PPIA: variants seen among roughly 807,000 people sequenced by gnomAD.
The protein encoded by PPIA is peptidylprolyl isomerase A, also known as peptidyl-prolyl cis-trans isomerase A.
PPIA carries 2 observed loss-of-function variants against 15.3 expected under a neutral mutation model. The observed-to-expected ratio is 0.13, with a 90% CI of 0.05 to 0.41. PPIA has a LOEUF of 0.41. Ranked by LOEUF, PPIA falls within the 10% of genes least tolerant of loss-of-function variation. The probability of loss-of-function intolerance (pLI) is 0.99; values close to 1 mark genes in which losing one functional copy is unlikely to be tolerated. For missense variants in PPIA, 103 were observed against 210.3 expected (o/e 0.49, Z 3.16); for synonymous variants, 67 against 73.1 (o/e 0.92, Z 0.43).
chr7:44,799,325 TTGTG>T lies in PPIA; in HGVS notation c.101-55_101-52del, dbSNP rs142167741. 5.6e-6 allele frequency: 9 copies of T among 1,601,580 alleles called. No individual in the cohort carries two copies. In the African/African-American group the frequency reaches 6.7e-5, roughly 12 times the overall value. ...ACAAAGATGTTCCAATTGTGACAGT[TTGTG>T]TGTGTGTGTGTATATATATATTTTT... On this transcript the variant is annotated intron_variant, in intron 2 of 4. Coordinates refer to ENST00000468812, the MANE Select transcript of PPIA (RefSeq NM_021130.5).
At position 44,801,326 on chromosome 7, in the gene PPIA, A is replaced by G; in HGVS notation, c.402A>G (p.Glu134=). 1 of 1,612,998 alleles carries G rather than the reference A, an allele frequency of 6.2e-7. No individual in the cohort carries two copies. The highest frequency in any genetic ancestry group is 8.5e-7 in the Non-Finnish European group (1 of 1,179,512). The change falls in exon 5 of 5, where the codon GAA becomes GAG. Residue 134 remains glutamate, a synonymous_variant. Coordinates refer to ENST00000468812, the MANE Select transcript of PPIA (RefSeq NM_021130.5). ...GKHVVFGKVK[E]GMNIVEAMER... Reference sequence around the variant, plus strand: ...ATGTGGTGTTTGGCAAAGTGAAAGAAGGCATGAATATTGTGGAGGCCATGG... The same window carrying G: ...ATGTGGTGTTTGGCAAAGTGAAAGAGGGCATGAATATTGTGGAGGCCATGG...
At chr7:44,798,945 A>G in intron 1 of PPIA, 1 of 1,126,772 alleles carries the variant, frequency 8.9e-7, no homozygotes, top group Non-Finnish European at 1.1e-6. Context: ...ATAGACATTT[A>G]AGAAGCCATA....
intron 4 of PPIA, among the ~76,000 whole-genome samples, chr7:44,800,931 C>T (rs1202233246): frequency 6.6e-6 from 1 of 152,122 alleles, no homozygotes; most frequent in Non-Finnish European, 1.5e-5. Context: ...CATTCTCCTG[C>T]CTCAGCCTCC....
chr7:44,798,783 C>G (rs1360382128), intron 1 of PPIA: 2 of 989,994 alleles, frequency 2.0e-6, no homozygotes, highest in Middle Eastern at 5.2e-4. Context: ...GACTGCTCAT[C>G]TAATCCATAA....
chr7:44,797,793 T>C (rs1195890053), intron 1 of PPIA, among the ~76,000 whole-genome samples: 8 of 152,196 alleles, frequency 5.3e-5, no homozygotes. Flanking sequence ...CGAAATAGGA[T>C]GTTAGTGGTT....
chr7:44,800,029 C>T (rs1792498807), intron 4 of PPIA, 155 bp downstream of exon 4: 1 of 746,766 alleles, frequency 1.3e-6, no homozygotes, highest in Non-Finnish European at 2.1e-6. Flanking sequence ...ACAAATATAG[C>T]CAATGTGATA....
intron 4 of PPIA, chr7:44,800,460 G>A (rs1330461229): frequency 6.7e-6 from 1 of 149,590 alleles, no homozygotes; most frequent in East Asian, 2.0e-4. Flanking sequence ...TTGGAGTGCA[G>A]TGGTGCCATC....
rs1004342499 is a variant in PPIA at position 44,802,388 on chromosome 7, A to T, written c.*966A>T. 6.6e-6 allele frequency: 1 copy of T among 152,054 alleles called. No homozygotes were observed. The highest frequency in any genetic ancestry group is 2.4e-5 in the African/African-American group (1 of 41,386). 9.4% of individuals were successfully genotyped at this position (152,054 alleles called of 1,614,324 possible). A position where few individuals can be genotyped will look rare whatever the true frequency, so the allele number is the denominator to read the frequency against. On this transcript the variant is annotated 3_prime_UTR_variant, in exon 5 of 5. Coordinates refer to ENST00000468812, the MANE Select transcript of PPIA (RefSeq NM_021130.5). ...GGTCTCAAACTCTTGACCTCAGCTGATGCGCCTGCCTTGGCCTCCCAAACT... is the reference window on the plus strand; with the variant it reads ...GGTCTCAAACTCTTGACCTCAGCTGTTGCGCCTGCCTTGGCCTCCCAAACT...
Position 44,802,758 on chromosome 7 carries a change from CT to C in PPIA, c.*1337del, listed in dbSNP as rs1231116343. 2 of 152,210 alleles carry C rather than the reference CT, an allele frequency of 1.3e-5. No individual in the cohort carries two copies. Among genetic ancestry groups the C allele is most frequent in the Non-Finnish European group, 2.9e-5 (2 of 68,050 alleles). 9.4% of individuals were successfully genotyped at this position (152,210 alleles called of 1,614,324 possible). A position where few individuals can be genotyped will look rare whatever the true frequency, so the allele number is the denominator to read the frequency against. On this transcript the variant is annotated 3_prime_UTR_variant, in exon 5 of 5. Transcript: ENST00000468812. ...TCTGGTCAAAGGGATACCCTTCCCA[CT>C]AAGGACTTGGTTTCTCAGGAAATTA...
In PPIA at chr7:44,799,377, T is replaced by C; in HGVS notation, c.101-15T>C. 6.2e-7 allele frequency: 1 copy of C among 1,602,632 alleles called. No individual in the cohort carries two copies. The highest frequency in any genetic ancestry group is 8.5e-7 in the Non-Finnish European group (1 of 1,172,898). ...TTTATGTATGTATATATGTGTTTAA[T>C]TTTTTTTTAAACAGAAAATTTTCGT... On this transcript the variant is annotated splice_polypyrimidine_tract_variant and intron_variant, in intron 2 of 4. Coordinates refer to ENST00000468812, the MANE Select transcript of PPIA (RefSeq NM_021130.5).
chr7:44,796,905 C>T, intron 1 of PPIA, 112 bp downstream of exon 1: 3 of 1,161,176 alleles, frequency 2.6e-6, no homozygotes, highest in South Asian at 1.7e-5. Context: ...GAGGGGCGAG[C>T]GCGGGCGGGC....
chr7:44,800,903 C>T (rs1004704572), intron 4 of PPIA, among the ~76,000 whole-genome samples: 1 of 151,994 alleles, frequency 6.6e-6, no homozygotes, highest in Non-Finnish European at 1.5e-5. Flanking sequence ...CTGCAAGCTC[C>T]GCCTCCCAGG....
At position 44,801,439 on chromosome 7, in the gene PPIA, A is replaced by G. The variant is rs771867229; in HGVS notation, c.*17A>G. On this transcript the variant is annotated 3_prime_UTR_variant, in exon 5 of 5. Coordinates refer to ENST00000468812, the MANE Select transcript of PPIA (RefSeq NM_021130.5). Reference sequence around the variant, plus strand: ...CTCGAATAAGTTTGACTTGTGTTTTATCTTAACCACCAGATCATTCCTTCT... The same window carrying G: ...CTCGAATAAGTTTGACTTGTGTTTTGTCTTAACCACCAGATCATTCCTTCT... 10 of 1,507,414 alleles carry G rather than the reference A, an allele frequency of 6.6e-6. No individual in the cohort carries two copies. Among genetic ancestry groups the G allele is most frequent in the South Asian group, 2.2e-5 (2 of 88,952 alleles). 93.4% of individuals were successfully genotyped at this position (1,507,414 alleles called of 1,614,324 possible). A position where few individuals can be genotyped will look rare whatever the true frequency, so the allele number is the denominator to read the frequency against.
rs969525332 is a variant in PPIA, at chr7:44,801,920, AGCCTG to A, written c.*505_*509del. On this transcript the variant is annotated 3_prime_UTR_variant, in exon 5 of 5. Transcript: ENST00000468812. ...GACGCTGTCTCTACAAAAAATAATTAGCCTGGCCTGGTGGTGCATGCCTAGTCCTA... is the reference window on the plus strand; with the variant it reads ...GACGCTGTCTCTACAAAAAATAATTAGCCTGGTGGTGCATGCCTAGTCCTA... 3 of 163,668 alleles carry A rather than the reference AGCCTG, an allele frequency of 1.8e-5. No homozygotes were observed. The highest frequency in any genetic ancestry group is 7.2e-5 in the African/African-American group (3 of 41,478). The allele number at this position is 163,668 out of a possible 1,614,324, so 10.1% of individuals were successfully genotyped here.
In PPIA at chr7:44,801,243, T is replaced by G. The variant is rs961637983; in HGVS notation, c.363-44T>G. ...TTGGTTCATGACACATGGAGGCTGCTTGTTTGTGGTTGCCAGTCATAGTGA... is the reference window on the plus strand; with the variant it reads ...TTGGTTCATGACACATGGAGGCTGCGTGTTTGTGGTTGCCAGTCATAGTGA... On this transcript the variant is annotated intron_variant, in intron 4 of 4. Transcript: ENST00000468812. 21 of 1,606,160 alleles carry G rather than the reference T, an allele frequency of 1.3e-5. No individual in the cohort carries two copies. In the East Asian group the frequency reaches 4.2e-4, roughly 33 times the overall value.
rs57466816 is a variant in PPIA, at chr7:44,800,398, C to CTT, written c.362+538_362+539dup. On this transcript the variant is annotated intron_variant, in intron 4 of 4. Coordinates refer to ENST00000468812, the MANE Select transcript of PPIA (RefSeq NM_021130.5). ...GCCACTGCGCCCAACCAATTAAGTGCTTTTTTTTTTTTTTTCTTTTCTCAG... is the reference window on the plus strand; with the variant it reads ...GCCACTGCGCCCAACCAATTAAGTGCTTTTTTTTTTTTTTTTTCTTTTCTCAG... 243 of 142,374 alleles carry CTT rather than the reference C, an allele frequency of 1.7e-3. 1 individual carries two copies. The highest frequency in any genetic ancestry group is 7.3e-3 in the Middle Eastern group (7 of 956). The allele number at this position is 142,374 out of a possible 1,614,324, so 8.8% of individuals were successfully genotyped here. A position where few individuals can be genotyped will look rare whatever the true frequency, so the allele number is the denominator to read the frequency against.
chr7:44,799,414 T>G lies in PPIA; in HGVS notation c.123T>G (p.Thr41=). The change falls in exon 3 of 5, where the codon ACT becomes ACG. Residue 41 remains threonine, a synonymous_variant. Transcript: ENST00000468812. ...CAGAAAATTTTCGTGCTCTGAGCACTGGAGAGAAAGGATTTGGTTATAAGG... is the reference window on the plus strand; with the variant it reads ...CAGAAAATTTTCGTGCTCTGAGCACGGGAGAGAAAGGATTTGGTTATAAGG... ...KTAENFRALS[T]GEKGFGYKGS... is the part of the protein sequence containing the mutation. 6.2e-7 allele frequency: 1 copy of G among 1,613,304 alleles called. No individual in the cohort carries two copies. The highest frequency in any genetic ancestry group is 8.5e-7 in the Non-Finnish European group (1 of 1,179,984).
chr7:44,797,837 A>G (rs1792426947), intron 1 of PPIA: 1 of 152,224 alleles, frequency 6.6e-6, no homozygotes, highest in Non-Finnish European at 1.5e-5. Flanking sequence ...AAAGGCCACC[A>G]ATGGCTAGTT....
In PPIA at chr7:44,801,583, A is replaced by G; in HGVS notation, c.*161A>G. 1.7e-6 allele frequency: 1 copy of G among 572,506 alleles called. No homozygotes were observed. 35.5% of individuals were successfully genotyped at this position (572,506 alleles called of 1,614,324 possible). Reference sequence around the variant, plus strand: ...CTTGTTCCCTCCCATGCCTAGCTGGATTGCAGAGTTAAGTTTATGATTATG... The same window carrying G: ...CTTGTTCCCTCCCATGCCTAGCTGGGTTGCAGAGTTAAGTTTATGATTATG... On this transcript the variant is annotated 3_prime_UTR_variant, in exon 5 of 5. Coordinates refer to ENST00000468812, the MANE Select transcript of PPIA (RefSeq NM_021130.5).
Sources: allele counts gnomAD v4.1 joint callset (sites outside exome capture counted in the v4.1 genomes callset), GRCh38; gene constraint gnomAD v4.1.1; transcripts MANE v1.5; gene names NCBI Gene and HGNC (gene_info 2026-07-23, HGNC 2026-07-21).